Variants in FBH1 observed in about 807,000 individuals in gnomAD.
The protein encoded by FBH1 is DNA 3'-5' helicase 1.
FBH1 carries 43 observed loss-of-function variants against 115.5 expected under a neutral mutation model. The observed-to-expected ratio is 0.37, with a 90% CI of 0.29 to 0.48. The LOEUF (loss-of-function observed/expected upper bound fraction) is 0.48. Ranked by LOEUF, FBH1 falls within the 20% of genes least tolerant of loss-of-function variation. The probability of loss-of-function intolerance (pLI) is 0.99; values close to 1 mark genes in which losing one functional copy is unlikely to be tolerated. For synonymous variants in FBH1, 524 were observed against 507.8 expected, an observed-to-expected ratio of 1.03 and a Z score of -0.43; for missense variants, 1,001 against 1,337.3, an observed-to-expected ratio of 0.75 and a Z score of 3.92.
rs1354956996 is a variant in FBH1 at position 5,895,739 on chromosome 10, C to T, written c.1+5393C>T. ...CTGCTGGAGGCTCTTCTATTTTGAACACCCGGCTTCTAAGGATGTCCTGGG... is the reference window on the plus strand; with the variant it reads ...CTGCTGGAGGCTCTTCTATTTTGAATACCCGGCTTCTAAGGATGTCCTGGG... On this transcript the variant is annotated intron_variant, in intron 1 of 20. Coordinates refer to ENST00000362091, the MANE Select transcript of FBH1 (RefSeq NM_178150.3). The surrounding 1 kb of genome is among the most constrained non-coding windows in gnomAD (Gnocchi z 5.0). Among the ~76,000 whole-genome samples, 1 of 152,110 alleles carries T rather than the reference C, an allele frequency of 6.6e-6. No individual in the cohort carries two copies. Among genetic ancestry groups the T allele is most frequent in the Non-Finnish European group, 1.5e-5 (1 of 68,032 alleles).
rs1371017258 is a variant in FBH1 at position 5,911,923 on chromosome 10, T to C, written c.1211+795T>C. On this transcript the variant is annotated intron_variant, in intron 6 of 20. Coordinates refer to ENST00000362091, the MANE Select transcript of FBH1 (RefSeq NM_178150.3). The surrounding 1 kb of genome is among the most constrained non-coding windows in gnomAD (Gnocchi z 5.4). ...TGTGGGGAGAGCAGTTCAGAGAAGGTATAGATGCCTTAAGGGCCTGAAGAT... is the reference window on the plus strand; with the variant it reads ...TGTGGGGAGAGCAGTTCAGAGAAGGCATAGATGCCTTAAGGGCCTGAAGAT... Among the ~76,000 whole-genome samples the C allele has an allele frequency of 6.6e-6, 1 of 151,796 alleles. No homozygotes were observed. Among genetic ancestry groups the C allele is most frequent in the Non-Finnish European group, 1.5e-5 (1 of 67,952 alleles).
Position 5,937,226 on chromosome 10 carries a change from T to C in FBH1, c.3078T>C (p.Thr1026=), listed in dbSNP as rs140639467. The change falls in exon 21 of 21, where the codon ACT becomes ACC. Residue 1026 remains threonine (T), a synonymous_variant. Transcript: ENST00000362091. ...SPEQVRAMER[T]VENIVLPRHE... is the part of the protein sequence containing the mutation. Reference sequence around the variant, plus strand: ...AGCAGGTGCGCGCCATGGAGCGCACTGTGGAGAACATCGTACTGCCCCGGC... The same window carrying C: ...AGCAGGTGCGCGCCATGGAGCGCACCGTGGAGAACATCGTACTGCCCCGGC... 2.0e-3 allele frequency: 3,186 copies of C among 1,613,542 alleles called. 4 individuals carry two copies. The highest frequency in any genetic ancestry group is 2.6e-3 in the Non-Finnish European group (3,031 of 1,179,720).
chr10:5,912,279 A>G (rs1166066081), intron 6 of FBH1, among the ~76,000 whole-genome samples: 1 of 151,800 alleles, frequency 6.6e-6, no homozygotes, highest in Non-Finnish European at 1.5e-5. Context: ...CATGAAAATT[A>G]CTTGAACCCA....
intron 1 of FBH1, among the ~76,000 whole-genome samples, chr10:5,901,369 G>C (rs1294045301): frequency 6.6e-6 from 1 of 151,820 alleles, no homozygotes; most frequent in Non-Finnish European, 1.5e-5. Flanking sequence ...TGTTGGCCAG[G>C]CTGGTCTTGA....
Position 5,911,589 on chromosome 10 carries a change from TG to T in FBH1, c.1211+465del, listed in dbSNP as rs1336213373. ...GGCCCCGATGGTTTCCTCAGCAGGG[TG>T]GGGAGTGCCTGGGGGGTTGTGCATT... On this transcript the variant is annotated intron_variant, in intron 6 of 20. Coordinates refer to ENST00000362091, the MANE Select transcript of FBH1 (RefSeq NM_178150.3). The surrounding 1 kb of genome is among the most constrained non-coding windows in gnomAD (Gnocchi z 5.4). 6.6e-6 allele frequency among the ~76,000 whole-genome samples: 1 copy of T among 151,546 alleles called. No individual in the cohort carries two copies. Among genetic ancestry groups the T allele is most frequent in the Admixed American group, 6.6e-5 (1 of 15,232 alleles).
chr10:5,906,968 T>TC lies in FBH1; in HGVS notation c.753+336_753+337insC, dbSNP rs1344533938. Among the ~76,000 whole-genome samples the TC allele has an allele frequency of 6.6e-6, 1 of 150,858 alleles. No homozygotes were observed. Among genetic ancestry groups the TC allele is most frequent in the East Asian group, 1.9e-4 (1 of 5,172 alleles). On this transcript the variant is annotated intron_variant, in intron 3 of 20. Coordinates refer to ENST00000362091, the MANE Select transcript of FBH1 (RefSeq NM_178150.3). This position sits in a 1 kb window ranked among gnomAD's most constrained non-coding sequence, Gnocchi z 7.3. ...TTCCTCATATCTCCCTTGACTTCTT[T>TC]TTTTTTTTTTTTGAGACAGAGTTTC...
At position 5,917,416 on chromosome 10, in the gene FBH1, C is replaced by T. The variant is rs772787208; in HGVS notation, c.1789-4C>T. On this transcript the variant is annotated splice_region_variant and splice_polypyrimidine_tract_variant and intron_variant, in intron 10 of 20. Coordinates refer to ENST00000362091, the MANE Select transcript of FBH1 (RefSeq NM_178150.3). This position sits in a 1 kb window ranked among gnomAD's most constrained non-coding sequence, Gnocchi z 5.6. ...TCTGGGTTACCATATGCTTTACTTC[C>T]TAGAATGGTGTCCTTGAAGCGAGCC... The T allele has an allele frequency of 1.2e-6, 2 of 1,613,658 alleles. No homozygotes were observed. Among genetic ancestry groups the T allele is most frequent in the South Asian group, 2.2e-5 (2 of 91,018 alleles).
rs538215001 is a variant in FBH1 at position 5,923,602 on chromosome 10, C to T, written c.2323-19C>T. 460 of 1,600,096 alleles carry T rather than the reference C, an allele frequency of 2.9e-4. 7 individuals carry two copies. In the South Asian group the frequency reaches 4.9e-3, roughly 17 times the overall value. On this transcript the variant is annotated intron_variant, in intron 15 of 20. Coordinates refer to ENST00000362091, the MANE Select transcript of FBH1 (RefSeq NM_178150.3). This position sits in a 1 kb window ranked among gnomAD's most constrained non-coding sequence, Gnocchi z 5.7. ...AAAAACAACAAAAAAACAAAAATCC[C>T]ACCAAAAAACTTTTTCAGGGGATTA...
At chr10:5,901,575 T>C (rs983370635) in intron 1 of FBH1, among the ~76,000 whole-genome samples, 1 of 150,352 alleles carries the variant, frequency 6.7e-6, no homozygotes, top group Non-Finnish European at 1.5e-5. Context: ...TTTCTTTTTT[T>C]TTTTTTTTTG....
At chr10:5,927,049 T>C (rs533181073) in intron 18 of FBH1, among the ~76,000 whole-genome samples, 3 of 152,226 alleles carry the variant, frequency 2.0e-5, no homozygotes, top group Non-Finnish European at 4.4e-5. Flanking sequence ...GGCCCTTGAT[T>C]AGCCATGGGC....
chr10:5,910,927 C>T lies in FBH1; in HGVS notation c.1021-11C>T. On this transcript the variant is annotated splice_polypyrimidine_tract_variant and intron_variant, in intron 5 of 20. Coordinates refer to ENST00000362091, the MANE Select transcript of FBH1 (RefSeq NM_178150.3). The surrounding 1 kb of genome is among the most constrained non-coding windows in gnomAD (Gnocchi z 4.8). ...GGGCTGTCCCTCCCTCCCTGTGCAC[C>T]TGGCTTGCAGGGTGTCAACATCTGG... The T allele has an allele frequency of 6.2e-7, 1 of 1,604,298 alleles. No homozygotes were observed. The highest frequency in any genetic ancestry group is 1.3e-5 in the African/African-American group (1 of 74,904).
chr10:5,908,050 C>T (rs58668431), intron 3 of FBH1, among the ~76,000 whole-genome samples: 1 of 152,250 alleles, frequency 6.6e-6, no homozygotes, highest in African/African-American at 2.4e-5. Context: ...TGTTCAGATC[C>T]TCTGTTTTCC....
At chr10:5,908,747 C>T (rs923816660) in intron 3 of FBH1, among the ~76,000 whole-genome samples, 178 bp from the exon 4 acceptor site, 7 of 152,144 alleles carry the variant, frequency 4.6e-5, no homozygotes, top group African/African-American at 1.4e-4. Flanking sequence ...GCTGGGACTA[C>T]AGGCATGTGC....
rs139531578 is a variant in FBH1, at chr10:5,895,848, T to C, written c.1+5502T>C. On this transcript the variant is annotated intron_variant, in intron 1 of 20. Transcript: ENST00000362091. The surrounding 1 kb of genome is among the most constrained non-coding windows in gnomAD (Gnocchi z 5.0). ...GTGTGCTGCTGCTGTTCCCATTGCA[T>C]TGGCTGGCACCCAGCGGTAAGGCGA... Among the ~76,000 whole-genome samples, 624 of 152,202 alleles carry C rather than the reference T, an allele frequency of 4.1e-3. 6 individuals carry two copies. The highest frequency in any genetic ancestry group is 0.014 in the African/African-American group (597 of 41,520).
chr10:5,922,253 T>A (rs1832357061), intron 15 of FBH1, among the ~76,000 whole-genome samples: 1 of 152,200 alleles, frequency 6.6e-6, no homozygotes. Flanking sequence ...GGTATAGAAA[T>A]TTTGGAACCT....
chr10:5,913,783 G>A lies in FBH1; in HGVS notation c.1248G>A (p.Gln416=). The A allele has an allele frequency of 6.3e-7, 1 of 1,587,744 alleles. No homozygotes were observed. Among genetic ancestry groups the A allele is most frequent in the Admixed American group, 2.0e-5 (1 of 50,818 alleles). The change falls in exon 7 of 21, where the codon CAG becomes CAA. Residue 416 remains glutamine (Q), a synonymous_variant. Transcript: ENST00000362091. The surrounding 1 kb of genome is among the most constrained non-coding windows in gnomAD (Gnocchi z 4.4). ...ACATTTTCTATTGCCTATATCTTCA[G>A]GAGAATTCCTGCACTCAGGCCACAA... is the stretch of plus-strand genomic sequence containing the variant. ...HYNIFYCLYL[Q]ENSCTQATKV...
rs988545497 is a variant in FBH1 at position 5,890,277 on chromosome 10, C to G, written c.-69C>G. The G allele has an allele frequency of 8.1e-6, 3 of 369,860 alleles. No individual in the cohort carries two copies. The highest frequency in any genetic ancestry group is 1.5e-5 in the Non-Finnish European group (3 of 198,176). 22.9% of individuals were successfully genotyped at this position (369,860 alleles called of 1,614,324 possible). ...AGAGGAGGAGCTCGCTGCCGGGGGA[C>G]GCTGGGCTGAGCGGCCGGCGGCGCG... is the stretch of plus-strand genomic sequence containing the variant. On this transcript the variant is annotated 5_prime_UTR_variant, in exon 1 of 21. Transcript: ENST00000362091.
intron 2 of FBH1, among the ~76,000 whole-genome samples, chr10:5,904,314 C>G (rs142436498): frequency 6.6e-6 from 1 of 152,232 alleles, no homozygotes; most frequent in African/African-American, 2.4e-5. Context: ...ATTACAGGTG[C>G]GAGCCACCTC....
In FBH1 at chr10:5,917,584, T is replaced by C. The variant is rs773416615; in HGVS notation, c.1877-6T>C. ...GTTACAACTCCTGCGTCTCTCCTTATTTTAGGCTACTTGAAACTCTGGCAG... is the reference window on the plus strand; with the variant it reads ...GTTACAACTCCTGCGTCTCTCCTTACTTTAGGCTACTTGAAACTCTGGCAG... On this transcript the variant is annotated splice_region_variant and splice_polypyrimidine_tract_variant and intron_variant, in intron 11 of 20. Coordinates refer to ENST00000362091, the MANE Select transcript of FBH1 (RefSeq NM_178150.3). This position sits in a 1 kb window ranked among gnomAD's most constrained non-coding sequence, Gnocchi z 5.6. 1.9e-6 allele frequency: 3 copies of C among 1,614,114 alleles called. No homozygotes were observed. Among genetic ancestry groups the C allele is most frequent in the South Asian group, 2.2e-5 (2 of 91,076 alleles).
Sources: gnomAD v4.1 joint callset for allele counts (sites outside exome capture counted in the v4.1 genomes callset) on GRCh38, gnomAD v4.1.1 for gene constraint, Gnocchi (gnomAD v3.1) non-coding constraint, MANE v1.5 for transcripts, NCBI Gene and HGNC (gene_info 2026-07-23, HGNC 2026-07-21) for gene names.